Variants in PRKG2 observed in about 807,000 individuals in gnomAD.
The protein encoded by PRKG2 is cGMP-dependent protein kinase 2.
In PRKG2, 33 loss-of-function variants were observed where a neutral mutation model predicts 97.2. The observed-to-expected ratio is 0.34, with a 90% CI of 0.26 to 0.45. The LOEUF (loss-of-function observed/expected upper bound fraction) is 0.45. Ranked by LOEUF, PRKG2 falls within the 20% of genes least tolerant of loss-of-function variation. The pLI is 1.00. For synonymous variants in PRKG2, 330 were observed against 321.8 expected (o/e 1.03, Z -0.27); for missense variants, 638 against 900.0 (o/e 0.71, Z 3.73).
intron 6 of PRKG2, among the ~76,000 whole-genome samples, chr4:81,164,105 G>T (rs1749791680): frequency 6.6e-6 from 1 of 152,148 alleles, no homozygotes; most frequent in Admixed American, 6.5e-5. Context: ...TATTTTCAAA[G>T]AACCAGATAC....
intron 8 of PRKG2, among the ~76,000 whole-genome samples, chr4:81,150,260 T>C (rs781769860): frequency 4.6e-5 from 7 of 152,296 alleles, no homozygotes; most frequent in South Asian, 2.1e-4. Flanking sequence ...TGATTTTGAC[T>C]GAGAATATTC....
At chr4:81,191,077 T>C (rs1752442905) in intron 2 of PRKG2, among the ~76,000 whole-genome samples, 2 of 151,986 alleles carry the variant, frequency 1.3e-5, no homozygotes. Flanking sequence ...GCACACCCAT[T>C]ACTTGGTATA....
chr4:81,197,143 C>G (rs1264049563), intron 2 of PRKG2, among the ~76,000 whole-genome samples: 1 of 152,168 alleles, frequency 6.6e-6, no homozygotes, highest in Non-Finnish European at 1.5e-5. Context: ...TGATGTTTCT[C>G]TCTTATCCAG....
chr4:81,124,265 T>C (rs1745343233), intron 14 of PRKG2, among the ~76,000 whole-genome samples: 1 of 152,236 alleles, frequency 6.6e-6, no homozygotes, highest in African/African-American at 2.4e-5. Context: ...GCTGTTGAGG[T>C]GTCAGCTGAA....
intron 14 of PRKG2, among the ~76,000 whole-genome samples, chr4:81,117,245 G>C (rs907696133): frequency 2.0e-5 from 3 of 151,746 alleles, no homozygotes; most frequent in Non-Finnish European, 4.4e-5. Context: ...CTCCCTCCTC[G>C]GGTGTCCCAA....
At chr4:81,182,418 A>C (rs776413130) in intron 2 of PRKG2, among the ~76,000 whole-genome samples, 7 of 152,040 alleles carry the variant, frequency 4.6e-5, no homozygotes, top group African/African-American at 1.2e-4. Flanking sequence ...GATAAAATAC[A>C]TCTATAAAAC....
chr4:81,153,726 TGGGATGA>T lies in PRKG2; in HGVS notation c.913-12_913-6del, dbSNP rs1748652922. 2 of 1,595,270 alleles carry T rather than the reference TGGGATGA, an allele frequency of 1.3e-6. No homozygotes were observed. Among genetic ancestry groups the T allele is most frequent in the Non-Finnish European group, 1.7e-6 (2 of 1,163,348 alleles). ...ATCTCCTTTGTCATAGTATTCCTGT[TGGGATGA>T]GAGAGAAAGAAAATGTAAGAGCGGG... On this transcript the variant is annotated splice_polypyrimidine_tract_variant and splice_region_variant and intron_variant, in intron 6 of 18. Transcript: ENST00000264399.
chr4:81,204,515 C>T, intron 2 of PRKG2, 72 bp downstream of exon 2: 1 of 1,421,580 alleles, frequency 7.0e-7, no homozygotes, highest in South Asian at 1.3e-5. Context: ...ATTAAGGAGG[C>T]TTAATAAATG....
chr4:81,216,377 AAAATT>A (rs1250551713), upstream of PRKG2, among the ~76,000 whole-genome samples: 1 of 152,118 alleles, frequency 6.6e-6, no homozygotes, highest in Non-Finnish European at 1.5e-5. Flanking sequence ...CAAAAAAAAA[AAAATT>A]AGAGGAGAAA....
chr4:81,126,584 T>G (rs1032617454), intron 14 of PRKG2, among the ~76,000 whole-genome samples: 4 of 152,248 alleles, frequency 2.6e-5, no homozygotes, highest in Non-Finnish European at 5.9e-5. Context: ...TGGCGTGAGC[T>G]GGTATCTCAT....
At chr4:81,100,573 T>C (rs1332352925) in intron 17 of PRKG2, among the ~76,000 whole-genome samples, 2 of 152,128 alleles carry the variant, frequency 1.3e-5, no homozygotes, top group Non-Finnish European at 2.9e-5. Flanking sequence ...TCAAGATGGA[T>C]TAAAGACTTA....
intron 6 of PRKG2, chr4:81,154,337 A>C (rs984788697): frequency 6.6e-5 from 10 of 152,360 alleles, no homozygotes; most frequent in Non-Finnish European, 1.3e-4. Flanking sequence ...AAACAAAAAG[A>C]CAGCAGTAAC....
intron 3 of PRKG2, chr4:81,173,690 A>T (rs1282763733): frequency 6.6e-6 from 1 of 152,114 alleles, no homozygotes; most frequent in Non-Finnish European, 1.5e-5. Context: ...ATGTTCAAAT[A>T]ATCAACGTAT....
intron 1 of PRKG2, 108 bp from the exon 2 acceptor site, chr4:81,205,168 T>A: frequency 1.5e-6 from 1 of 669,440 alleles, no homozygotes; most frequent in Non-Finnish European, 2.4e-6. Flanking sequence ...ACAGTAATCT[T>A]CATTGTTTGA....
intron 15 of PRKG2, among the ~76,000 whole-genome samples, chr4:81,109,499 T>C (rs1345213661): frequency 1.3e-5 from 2 of 152,202 alleles, no homozygotes; most frequent in African/African-American, 2.4e-5. Flanking sequence ...TGCCCATGCA[T>C]TGTATCATAA....
chr4:81,191,352 A>G (rs1267853635), intron 2 of PRKG2, among the ~76,000 whole-genome samples: 1 of 152,056 alleles, frequency 6.6e-6, no homozygotes, highest in Admixed American at 6.6e-5. Flanking sequence ...AAAACACCAC[A>G]TGTTCTCACT....
intron 14 of PRKG2, among the ~76,000 whole-genome samples, chr4:81,118,777 G>A (rs541408336): frequency 3.0e-4 from 46 of 152,160 alleles, no homozygotes; most frequent in African/African-American, 1.1e-3. Context: ...CAGAGCAGAA[G>A]TTTTCGTTTG....
intron 6 of PRKG2, among the ~76,000 whole-genome samples, chr4:81,157,908 T>G (rs1167814201): frequency 4.1e-5 from 6 of 146,714 alleles, no homozygotes; most frequent in African/African-American, 1.1e-4. Flanking sequence ...CTCAATAAAT[T>G]AGGTATTGAT....
At chr4:81,097,361 T>C (rs2109952022) in intron 17 of PRKG2, among the ~76,000 whole-genome samples, 1 of 152,284 alleles carries the variant, frequency 6.6e-6, no homozygotes, top group Middle Eastern at 3.4e-3. Context: ...AAATATTCAG[T>C]AAACCATTCT....
Sources: allele counts gnomAD v4.1 joint callset (sites outside exome capture counted in the v4.1 genomes callset), GRCh38; gene constraint gnomAD v4.1.1; transcripts MANE v1.5; gene names NCBI Gene and HGNC (gene_info 2026-07-23, HGNC 2026-07-21).